The following ANKS1A variants were observed in gnomAD, a reference collection of about 807,000 sequenced individuals.
ANKS1A encodes ankyrin repeat and sterile alpha motif domain containing 1A.
ANKS1A carries 55 observed loss-of-function variants against 120.3 expected under a neutral mutation model. The observed-to-expected ratio is 0.46, with a 90% CI of 0.37 to 0.57. ANKS1A has a LOEUF of 0.57. Ranked by LOEUF, ANKS1A falls within the 20% of genes least tolerant of loss-of-function variation. The pLI, the probability that ANKS1A is intolerant of heterozygous loss-of-function variation, is 0.00. For missense variants in ANKS1A, 1,123 were observed against 1,480.3 expected (o/e 0.76, Z 3.96); for synonymous variants, 590 against 604.7 (o/e 0.98, Z 0.36).
intron 13 of ANKS1A, among the ~76,000 whole-genome samples, chr6:35,064,445 AGGTG>A (rs1035630190): frequency 1.3e-5 from 2 of 152,192 alleles, no homozygotes; most frequent in Admixed American, 6.5e-5. Flanking sequence ...TGTGTTTCTG[AGGTG>A]GTGCCAGCTT....
At chr6:34,928,877 T>C (rs1345361386) in intron 1 of ANKS1A, among the ~76,000 whole-genome samples, 1 of 152,230 alleles carries the variant, frequency 6.6e-6, no homozygotes, top group Non-Finnish European at 1.5e-5. Flanking sequence ...GAAAGTCACA[T>C]GGTAACATAA....
downstream of ANKS1A, among the ~76,000 whole-genome samples, chr6:35,094,440 G>GAAA (rs35902442): frequency 4.2e-5 from 5 of 118,876 alleles, no homozygotes; most frequent in African/African-American, 9.1e-5. Context: ...ACTTCGTCTG[G>GAAA]AAAAAAAAAA....
intron 11 of ANKS1A, among the ~76,000 whole-genome samples, chr6:35,029,887 T>C (rs1357025770): frequency 6.6e-6 from 1 of 151,074 alleles, no homozygotes; most frequent in Non-Finnish European, 1.5e-5. Context: ...CATAATTTCC[T>C]CCTGATATTT....
chr6:34,991,765 TACACATATATATAC>T (rs1772581220), intron 9 of ANKS1A, among the ~76,000 whole-genome samples: 1 of 33,948 alleles, frequency 2.9e-5, no homozygotes, highest in African/African-American at 5.8e-5. Flanking sequence ...CATATATATA[TACACATATATATAC>T]ACACATATAT....
intron 13 of ANKS1A, among the ~76,000 whole-genome samples, chr6:35,077,949 G>A (rs958362950): frequency 1.3e-5 from 2 of 152,180 alleles, no homozygotes; most frequent in Non-Finnish European, 2.9e-5. Flanking sequence ...GCAGGTGGGC[G>A]CTCCGTGTGC....
intron 1 of ANKS1A, among the ~76,000 whole-genome samples, chr6:34,925,125 G>C (rs200182937): frequency 6.6e-6 from 1 of 152,016 alleles, no homozygotes; most frequent in East Asian, 1.9e-4. Context: ...TCACCTTACT[G>C]GTCTGTATTA....
rs753323592 is a variant in ANKS1A, at chr6:34,982,860, C to CGT, written c.808+35_808+36dup. ...GTCGGCAGCGCTCTTGTCTACACAGCGTGCCAGGGTTGGGATTGTTTCTCC... is the reference window on the plus strand; with the variant it reads ...GTCGGCAGCGCTCTTGTCTACACAGCGTGTGCCAGGGTTGGGATTGTTTCTCC... On this transcript the variant is annotated intron_variant, in intron 5 of 23. Coordinates refer to ENST00000360359, the MANE Select transcript of ANKS1A (RefSeq NM_015245.3). The surrounding 1 kb of genome is among the most constrained non-coding windows in gnomAD (Gnocchi z 4.9). 3.0e-5 allele frequency: 48 copies of CGT among 1,613,518 alleles called. No individual in the cohort carries two copies. The highest frequency in any genetic ancestry group is 3.9e-5 in the Non-Finnish European group (46 of 1,179,612).
intron 10 of ANKS1A, chr6:35,005,874 G>A (rs995946307): frequency 2.7e-5 from 10 of 372,610 alleles, no homozygotes; most frequent in African/African-American, 8.8e-5. Context: ...CCAACATGGC[G>A]AAACCCCACC....
chr6:34,985,095 A>G lies in ANKS1A; in HGVS notation c.1026A>G (p.Lys342=). The part of the protein sequence containing the change: ...ISQKSQGDVE[K]AVTELIIDFD... The stretch of plus-strand genomic sequence containing the variant: ...TCCTCCTCTCAGGTGACGTGGAGAA[A>G]GCAGTGACTGAACTGATTATAGATT... Residue 342 remains lysine, a synonymous_variant, in exon 8 of 24, where the codon AAA becomes AAG. Coordinates refer to ENST00000360359, the MANE Select transcript of ANKS1A (RefSeq NM_015245.3). 6.2e-7 allele frequency: 1 copy of G among 1,613,724 alleles called. No individual in the cohort carries two copies. Among genetic ancestry groups the G allele is most frequent in the Non-Finnish European group, 8.5e-7 (1 of 1,179,768 alleles).
At chr6:35,020,208 A>G (rs931372675) in intron 11 of ANKS1A, among the ~76,000 whole-genome samples, 1 of 152,218 alleles carries the variant, frequency 6.6e-6, no homozygotes. Flanking sequence ...GATTTAGCCA[A>G]CTGTGGATAG....
downstream of ANKS1A, among the ~76,000 whole-genome samples, chr6:35,091,863 C>G (rs1203789846): frequency 6.6e-6 from 1 of 152,164 alleles, no homozygotes. Flanking sequence ...GCTACCAGCC[C>G]GAAGCCGTGC....
chr6:35,087,011 G>T lies in ANKS1A; in HGVS notation c.3363G>T (p.Val1121=), dbSNP rs754871030. ...AQSHASVSWV[V]DPKPDSKRSL... is the part of the protein sequence containing the mutation. ...CCCATGCCAGTGTCTCCTGGGTTGT[G>T]GACCCCAAACCAGACTCTAAGCGGA... is the stretch of plus-strand genomic sequence containing the variant. The change falls in exon 23 of 24, where the codon GTG becomes GTT. Residue 1121 remains valine (V), a synonymous_variant. Coordinates refer to ENST00000360359, the MANE Select transcript of ANKS1A (RefSeq NM_015245.3). 1 of 1,614,056 alleles carries T rather than the reference G, an allele frequency of 6.2e-7. No homozygotes were observed. Among genetic ancestry groups the T allele is most frequent in the African/African-American group, 1.3e-5 (1 of 74,926 alleles).
intron 11 of ANKS1A, among the ~76,000 whole-genome samples, chr6:35,024,212 C>T (rs1774497093): frequency 1.3e-5 from 2 of 152,174 alleles, no homozygotes; most frequent in Non-Finnish European, 2.9e-5. Context: ...TATCCTCTGT[C>T]TCTTGCACAG....
chr6:35,092,690 T>C (rs1247204875), downstream of ANKS1A, among the ~76,000 whole-genome samples: 2 of 152,238 alleles, frequency 1.3e-5, no homozygotes, highest in Non-Finnish European at 2.9e-5. Context: ...CCAGGACACA[T>C]AGCTGCTATC....
At chr6:34,935,287 G>A (rs1030751814) in intron 1 of ANKS1A, among the ~76,000 whole-genome samples, 3 of 152,080 alleles carry the variant, frequency 2.0e-5, no homozygotes, top group Non-Finnish European at 2.9e-5. Context: ...GGGTCTCGCC[G>A]TGTTTCCCAG....
chr6:35,086,912 A>C lies in ANKS1A; in HGVS notation c.3304-40A>C. The C allele has an allele frequency of 1.2e-4, 192 of 1,588,542 alleles. No homozygotes were observed. The highest frequency in any genetic ancestry group is 1.6e-4 in the Non-Finnish European group (182 of 1,156,864). On this transcript the variant is annotated intron_variant, in intron 22 of 23. Coordinates refer to ENST00000360359, the MANE Select transcript of ANKS1A (RefSeq NM_015245.3). This position sits in a 1 kb window ranked among gnomAD's most constrained non-coding sequence, Gnocchi z 5.1. ...GGCCTGCTGCCTCCAGCCCTGGCAC[A>C]GAGCTCCCTCTGACTCTTGACTGCT... is the stretch of plus-strand genomic sequence containing the variant.
At chr6:35,007,289 A>G (rs1773514067) in intron 10 of ANKS1A, among the ~76,000 whole-genome samples, 1 of 152,234 alleles carries the variant, frequency 6.6e-6, no homozygotes, top group Non-Finnish European at 1.5e-5. Flanking sequence ...TATAGAAGAA[A>G]CAAAAGCTGG....
At chr6:35,029,642 G>A (rs554195268) in intron 11 of ANKS1A, among the ~76,000 whole-genome samples, 1 of 151,228 alleles carries the variant, frequency 6.6e-6, no homozygotes, top group South Asian at 2.1e-4. Flanking sequence ...GAGCCACGGC[G>A]CCCAGTCGAC....
In ANKS1A at chr6:34,985,170, C is replaced by A; in HGVS notation, c.1101C>A (p.Ala367=). 1 of 1,614,156 alleles carries A rather than the reference C, an allele frequency of 6.2e-7. No homozygotes were observed. The highest frequency in any genetic ancestry group is 1.3e-5 in the African/African-American group (1 of 75,030). ...EEGPYEALYN[A]ISCHSLDSMA... is the part of the protein sequence containing the mutation. ...GTCCCTACGAAGCTCTGTATAATGC[C>A]ATCTCCTGCCATTCGTTGGACAGCA... is the stretch of plus-strand genomic sequence containing the variant. Residue 367 remains alanine, a synonymous_variant, in exon 8 of 24, where the codon GCC becomes GCA. Coordinates refer to ENST00000360359, the MANE Select transcript of ANKS1A (RefSeq NM_015245.3).
Sources: gnomAD v4.1 joint callset for allele counts (sites outside exome capture counted in the v4.1 genomes callset) on GRCh38, gnomAD v4.1.1 for gene constraint, Gnocchi (gnomAD v3.1) non-coding constraint, MANE v1.5 for transcripts, NCBI Gene and HGNC (gene_info 2026-07-23, HGNC 2026-07-21) for gene names.